CYP27C1: variants seen among roughly 807,000 people sequenced by gnomAD.
The protein encoded by CYP27C1 is cytochrome P450 family 27 subfamily C member 1, also known as cytochrome P450 27C1.
In CYP27C1, 29 loss-of-function variants were observed where a neutral mutation model predicts 40.6. The ratio of observed to expected loss-of-function variants is 0.71; its 90% CI spans 0.53 to 0.97. The LOEUF (loss-of-function observed/expected upper bound fraction) is 0.97, where lower values mean the gene tolerates loss of function less well. Ranked by LOEUF, CYP27C1 falls within the 50% of genes least tolerant of loss-of-function variation. The pLI, the probability that CYP27C1 is intolerant of heterozygous loss-of-function variation, is 0.00. For synonymous variants in CYP27C1, 198 were observed against 186.8 expected, an observed-to-expected ratio of 1.06 and a Z score of -0.49; for missense variants, 390 against 485.8, an observed-to-expected ratio of 0.80 and a Z score of 1.85.
At chr2:127,204,419 AAGAG>A (rs1491194947) in intron 2 of CYP27C1, among the ~76,000 whole-genome samples, 2 of 134,790 alleles carry the variant, frequency 1.5e-5, no homozygotes, top group African/African-American at 2.7e-5. Context: ...AAAGAAAAGA[AAGAG>A]AGAAAGGAAA....
intron 8 of CYP27C1, among the ~76,000 whole-genome samples, chr2:127,190,998 C>T (rs957809781): frequency 2.0e-5 from 3 of 149,470 alleles, no homozygotes; most frequent in African/African-American, 7.4e-5. Context: ...GTAATCCCAG[C>T]ACTTTGGGAG....
rs756614548 is a variant in CYP27C1 at position 127,209,881 on chromosome 2, T to C, written c.283-3791A>G. 2.0e-5 allele frequency among the ~76,000 whole-genome samples: 3 copies of C among 152,044 alleles called. No homozygotes were observed. Among genetic ancestry groups the C allele is most frequent in the Non-Finnish European group, 4.4e-5 (3 of 68,016 alleles). ...TGGGACTTCATAAAAACAGCAAACC[T>C]ACAATCGACTGGAGCACCAGAAGGA... On this transcript the variant is annotated intron_variant, in intron 1 of 8. Transcript: ENST00000664447. This position sits in a 1 kb window ranked among gnomAD's most constrained non-coding sequence, Gnocchi z 4.1.
chr2:127,187,494 C>T lies in CYP27C1; in HGVS notation c.1498-107G>A, dbSNP rs968252045. ...TGTGGCGGCACTGGGCTGCAGAGAG[C>T]GCAGGCAATGAGCACCCACATCCAG... On this transcript the variant is annotated intron_variant, in intron 8 of 8. Transcript: ENST00000664447. 1.9e-5 allele frequency: 18 copies of T among 943,884 alleles called. No individual in the cohort carries two copies. In the East Asian group the frequency reaches 4.0e-4, roughly 21 times the overall value. The allele number at this position is 943,884 out of a possible 1,614,324, so 58.5% of individuals were successfully genotyped here. A position where few individuals can be genotyped will look rare whatever the true frequency, so the allele number is the denominator to read the frequency against.
In CYP27C1 at chr2:127,185,631, CAG is replaced by C. The variant is rs1682607952; in HGVS notation, c.*1638_*1639del. ...ATACTAGAGTTATTCTGCTACCACA[CAG>C]AGATTTCAACTTTATTATATACTTT... On this transcript the variant is annotated 3_prime_UTR_variant, in exon 9 of 9. Coordinates refer to ENST00000664447, the MANE Select transcript of CYP27C1 (RefSeq NM_001367502.1). This position sits in a 1 kb window ranked among gnomAD's most constrained non-coding sequence, Gnocchi z 4.9. 1 of 152,104 alleles carries C rather than the reference CAG, an allele frequency of 6.6e-6. No individual in the cohort carries two copies. The highest frequency in any genetic ancestry group is 1.9e-4 in the East Asian group (1 of 5,200). 9.4% of individuals were successfully genotyped at this position (152,104 alleles called of 1,614,324 possible).
At chr2:127,214,979 A>C (rs1196404974) in intron 1 of CYP27C1, among the ~76,000 whole-genome samples, 2 of 151,902 alleles carry the variant, frequency 1.3e-5, no homozygotes, top group Non-Finnish European at 2.9e-5. Context: ...ATACAAAAAA[A>C]TTAGCCAGGC....
chr2:127,203,233 A>G, intron 3 of CYP27C1, 139 bp downstream of exon 3: 1 of 901,634 alleles, frequency 1.1e-6, no homozygotes, highest in Non-Finnish European at 1.7e-6. Flanking sequence ...GGTTCACGTT[A>G]GCACCGTGGA....
At chr2:127,202,026 G>A (rs1005841804) in intron 3 of CYP27C1, among the ~76,000 whole-genome samples, 1 of 151,434 alleles carries the variant, frequency 6.6e-6, no homozygotes, top group Non-Finnish European at 1.5e-5. Flanking sequence ...AAAGTTGAAG[G>A]TAAGCTTTTT....
chr2:127,203,668 T>C, intron 2 of CYP27C1, 97 bp from the exon 3 acceptor site: 2 of 1,278,184 alleles, frequency 1.6e-6, no homozygotes, highest in Non-Finnish European at 2.2e-6. Flanking sequence ...CCATAAAGAA[T>C]CAACAAGAGC....
At chr2:127,217,393 T>C (rs115791181) in intron 1 of CYP27C1, among the ~76,000 whole-genome samples, 1,876 of 152,368 alleles carry the variant, frequency 0.012, 30 homozygotes, top group African/African-American at 0.042. Flanking sequence ...AAAAGAGTTC[T>C]AGAAATACTG....
At chr2:127,215,216 C>G (rs1186832982) in intron 1 of CYP27C1, among the ~76,000 whole-genome samples, 3 of 151,586 alleles carry the variant, frequency 2.0e-5, no homozygotes, top group African/African-American at 7.3e-5. Flanking sequence ...ATTTAAGACT[C>G]AAACATCTAT....
At position 127,196,901 on chromosome 2, in the gene CYP27C1, T is replaced by A. The variant is rs1362675721; in HGVS notation, c.1048-1400A>T. Among the ~76,000 whole-genome samples the A allele has an allele frequency of 6.6e-6, 1 of 152,226 alleles. No individual in the cohort carries two copies. The highest frequency in any genetic ancestry group is 2.4e-5 in the African/African-American group (1 of 41,460). The stretch of plus-strand genomic sequence containing the variant: ...AATGTTTAGAAAAATGTGGCAGTGG[T>A]TTCATAAATGATTCCATCTGTCAAA... On this transcript the variant is annotated intron_variant, in intron 5 of 8. Transcript: ENST00000664447. This position sits in a 1 kb window ranked among gnomAD's most constrained non-coding sequence, Gnocchi z 4.5.
In CYP27C1 at chr2:127,189,905, C is replaced by G. The variant is rs577254123; in HGVS notation, c.1498-2518G>C. ...TTCAATTATTAATCAGTCAGGCCAGCCTGTAGTTTTTATTTTCCATATCAT... is the reference window on the plus strand; with the variant it reads ...TTCAATTATTAATCAGTCAGGCCAGGCTGTAGTTTTTATTTTCCATATCAT... On this transcript the variant is annotated intron_variant, in intron 8 of 8. Transcript: ENST00000664447. Among the ~76,000 whole-genome samples the G allele has an allele frequency of 2.0e-5, 3 of 152,276 alleles. No homozygotes were observed. In the South Asian group the frequency reaches 6.2e-4, roughly 32 times the overall value.
chr2:127,213,443 G>T (rs1377739918), intron 1 of CYP27C1, among the ~76,000 whole-genome samples: 1 of 152,116 alleles, frequency 6.6e-6, no homozygotes, highest in African/African-American at 2.4e-5. Context: ...AACCAAAACA[G>T]CATGGTACTG....
rs571506981 is a variant in CYP27C1 at position 127,209,000 on chromosome 2, C to A, written c.283-2910G>T. Among the ~76,000 whole-genome samples the A allele has an allele frequency of 6.6e-6, 1 of 152,304 alleles. No homozygotes were observed. Among genetic ancestry groups the A allele is most frequent in the Admixed American group, 6.5e-5 (1 of 15,296 alleles). ...AAAACACACCCTCCCCACCAAGGGA[C>A]AAAGTGCTTTATTAAAAGGTTCTTG... On this transcript the variant is annotated intron_variant, in intron 1 of 8. Transcript: ENST00000664447. The surrounding 1 kb of genome is among the most constrained non-coding windows in gnomAD (Gnocchi z 5.2).
intron 2 of CYP27C1, among the ~76,000 whole-genome samples, chr2:127,205,271 G>T (rs927560678): frequency 6.6e-6 from 1 of 152,150 alleles, no homozygotes; most frequent in Non-Finnish European, 1.5e-5. Flanking sequence ...GAAATTGGTG[G>T]CTGTATTTCT....
At position 127,186,369 on chromosome 2, in the gene CYP27C1, CATTTTATTTTATTTTATTTTATTTT is replaced by C. The variant is rs71393842; in HGVS notation, c.*877_*901del. 7.0e-6 allele frequency: 1 copy of C among 142,726 alleles called. No individual in the cohort carries two copies. The highest frequency in any genetic ancestry group is 1.5e-5 in the Non-Finnish European group (1 of 65,502). The allele number at this position is 142,726 out of a possible 1,614,324, so 8.8% of individuals were successfully genotyped here. The stretch of plus-strand genomic sequence containing the variant: ...GGAGAGAAAAGTATTCTTATACAGC[CATTTTATTTTATTTTATTTTATTTT>C]ATTTTATTTTATTTTATTTTTGAGA... On this transcript the variant is annotated 3_prime_UTR_variant, in exon 9 of 9. Transcript: ENST00000664447. The surrounding 1 kb of genome is among the most constrained non-coding windows in gnomAD (Gnocchi z 4.5).
chr2:127,211,339 T>C (rs1316982092), intron 1 of CYP27C1, among the ~76,000 whole-genome samples: 2 of 148,998 alleles, frequency 1.3e-5, no homozygotes, highest in African/African-American at 4.9e-5. Context: ...TACCAGAATC[T>C]CTGGGATACA....
chr2:127,205,391 GC>G (rs1683202849), intron 2 of CYP27C1, among the ~76,000 whole-genome samples: 2 of 152,212 alleles, frequency 1.3e-5, no homozygotes, highest in South Asian at 4.1e-4. Context: ...TCCCTGCCTG[GC>G]CGCGGGCCAC....
chr2:127,211,485 C>T (rs1468597801), intron 1 of CYP27C1, among the ~76,000 whole-genome samples: 1 of 149,856 alleles, frequency 6.7e-6, no homozygotes, highest in African/African-American at 2.5e-5. Context: ...CGGGTTCATG[C>T]CATTCTCCTG....
Sources: allele counts gnomAD v4.1 joint callset (sites outside exome capture counted in the v4.1 genomes callset), GRCh38; gene constraint gnomAD v4.1.1; non-coding constraint Gnocchi (gnomAD v3.1); transcripts MANE v1.5; gene names NCBI Gene and HGNC (gene_info 2026-07-23, HGNC 2026-07-21).